Variants in CDH6 observed in about 807,000 individuals in gnomAD.
The protein encoded by CDH6 is cadherin 6, also known as cadherin-6.
A neutral mutation model predicts 78.0 loss-of-function variants in CDH6; 31 were observed. The ratio of observed to expected loss-of-function variants is 0.40; its 90% CI spans 0.30 to 0.54. The LOEUF (loss-of-function observed/expected upper bound fraction) is 0.54. Among genes scored for constraint, CDH6 ranks in the 20% least tolerant of loss-of-function variants. CDH6 has a pLI of 0.56. For missense variants in CDH6, 724 were observed against 975.9 expected (o/e 0.74, Z 3.44); for synonymous variants, 376 against 368.8 (o/e 1.02, Z -0.23).
At chr5:31,230,040 G>C (rs940596291) in intron 1 of CDH6, among the ~76,000 whole-genome samples, 1 of 152,166 alleles carries the variant, frequency 6.6e-6, no homozygotes, top group Non-Finnish European at 1.5e-5. Context: ...ACTGTGGCGT[G>C]TCTGAACAAC....
At chr5:31,265,811 G>A in intron 1 of CDH6, among the ~76,000 whole-genome samples, 1 of 108,886 alleles carries the variant, frequency 9.2e-6, no homozygotes, top group Admixed American at 1.5e-4. Flanking sequence ...GTCTCACTCT[G>A]TCGCCCAGGC....
chr5:31,212,762 GCACACACA>G (rs72457836), intron 1 of CDH6, among the ~76,000 whole-genome samples: 1 of 148,180 alleles, frequency 6.7e-6, no homozygotes, highest in African/African-American at 2.5e-5. Flanking sequence ...ACATGAACGT[GCACACACA>G]CACACACACA....
chr5:31,286,994 A>G (rs1743028973), intron 2 of CDH6, among the ~76,000 whole-genome samples: 1 of 152,052 alleles, frequency 6.6e-6, no homozygotes, highest in Non-Finnish European at 1.5e-5. Context: ...AGAGGAGGAA[A>G]ATGATTTGGA....
intron 1 of CDH6, among the ~76,000 whole-genome samples, chr5:31,198,017 G>A: frequency 6.6e-6 from 1 of 152,128 alleles, no homozygotes; most frequent in East Asian, 1.9e-4. Flanking sequence ...CACAAAGTAG[G>A]AAGATAAGGG....
chr5:31,267,306 G>A (rs1742389083), intron 1 of CDH6, 40 bp from the exon 2 acceptor site: 1 of 576,784 alleles, frequency 1.7e-6, no homozygotes, highest in Non-Finnish European at 3.1e-6. Flanking sequence ...TGAATTTTAA[G>A]CATCTCTAAA....
At chr5:31,278,614 G>A (rs961929156) in intron 2 of CDH6, among the ~76,000 whole-genome samples, 1 of 152,096 alleles carries the variant, frequency 6.6e-6, no homozygotes, top group Non-Finnish European at 1.5e-5. Context: ...CAAGTGTTCA[G>A]CAAAAGAGAA....
intron 1 of CDH6, among the ~76,000 whole-genome samples, chr5:31,235,569 G>A (rs1741434578): frequency 6.6e-6 from 1 of 152,090 alleles, no homozygotes; most frequent in Admixed American, 6.6e-5. Flanking sequence ...TGACCACGTG[G>A]CAGGAAACAG....
At chr5:31,292,834 TATATATATATATGTGTGC>T (rs1208494741) in intron 2 of CDH6, among the ~76,000 whole-genome samples, 668 of 3,078 alleles carry the variant, frequency 0.22, 13 homozygotes, top group African/African-American at 0.35. Context: ...TATATATATA[TATATATATATATGTGTGC>T]ATATATATAT....
intron 1 of CDH6, among the ~76,000 whole-genome samples, chr5:31,266,966 T>C (rs1461026385): frequency 6.6e-6 from 1 of 152,238 alleles, no homozygotes. Flanking sequence ...TACTTTGCCT[T>C]AAACTTGTTC....
At chr5:31,257,427 T>C (rs946711137) in intron 1 of CDH6, among the ~76,000 whole-genome samples, 2 of 152,218 alleles carry the variant, frequency 1.3e-5, no homozygotes, top group Admixed American at 1.3e-4. Context: ...CCTCCCAAAG[T>C]GCTAGGATTA....
intron 1 of CDH6, among the ~76,000 whole-genome samples, chr5:31,263,227 C>G (rs1014452866): frequency 2.7e-5 from 4 of 150,410 alleles, no homozygotes; most frequent in African/African-American, 9.8e-5. Context: ...TGAGGGGGCT[C>G]AGCATGCTAA....
chr5:31,230,113 C>T (rs1044852924), intron 1 of CDH6, among the ~76,000 whole-genome samples: 2 of 152,182 alleles, frequency 1.3e-5, no homozygotes, highest in Non-Finnish European at 2.9e-5. Flanking sequence ...AATTTGCTTT[C>T]TCTTTGGCAC....
chr5:31,261,642 C>T (rs980298636), intron 1 of CDH6, among the ~76,000 whole-genome samples: 1 of 152,174 alleles, frequency 6.6e-6, no homozygotes, highest in Non-Finnish European at 1.5e-5. Context: ...AAAGTTAAGG[C>T]TCCGCATACT....
At chr5:31,221,345 T>C (rs1740999318) in intron 1 of CDH6, among the ~76,000 whole-genome samples, 1 of 152,232 alleles carries the variant, frequency 6.6e-6, no homozygotes. Context: ...TTATTGGTCT[T>C]GTGCTCAACT....
intron 2 of CDH6, among the ~76,000 whole-genome samples, chr5:31,288,543 T>C (rs1379311369): frequency 6.6e-6 from 1 of 152,190 alleles, no homozygotes; most frequent in Non-Finnish European, 1.5e-5. Context: ...GCATTATATA[T>C]AAAGATGTAT....
intron 2 of CDH6, among the ~76,000 whole-genome samples, chr5:31,277,726 A>G (rs758517806): frequency 9.2e-5 from 14 of 152,198 alleles, no homozygotes; most frequent in South Asian, 4.1e-4. Context: ...TACATGTCTT[A>G]CTCATCCTTA....
rs75968084 is a variant in CDH6, at chr5:31,194,570, A to G, written c.-129+684A>G. 7.9e-5 allele frequency among the ~76,000 whole-genome samples: 12 copies of G among 152,152 alleles called. No homozygotes were observed. The East Asian group carries it at 1.2e-3, about 15-fold the overall frequency. On this transcript the variant is annotated intron_variant, in intron 1 of 11. Transcript: ENST00000265071. ...GGACAGAAATGCTTAGGTTGCAAGG[A>G]AAGTCCAACACTGGACTCCGAAAAT...
intron 1 of CDH6, among the ~76,000 whole-genome samples, chr5:31,240,212 CT>C (rs1159298019): frequency 1.3e-5 from 2 of 152,140 alleles, no homozygotes; most frequent in African/African-American, 4.8e-5. Context: ...AAACTATTGC[CT>C]TTGTTTAGTC....
At chr5:31,302,951 G>GA (rs1250028341) in intron 6 of CDH6, among the ~76,000 whole-genome samples, 1 of 130,258 alleles carries the variant, frequency 7.7e-6, no homozygotes, top group Non-Finnish European at 1.7e-5. Flanking sequence ...AAGAAAGAAA[G>GA]AAAGAAGGAA....
Sources: allele counts gnomAD v4.1 joint callset (sites outside exome capture counted in the v4.1 genomes callset), GRCh38; gene constraint gnomAD v4.1.1; transcripts MANE v1.5; gene names NCBI Gene and HGNC (gene_info 2026-07-23, HGNC 2026-07-21).